Variants in KRT78 observed in about 807,000 individuals in gnomAD.
KRT78 encodes keratin 78, also known as keratin, type II cytoskeletal 78.
Under a neutral mutation model 51.4 loss-of-function variants are expected in KRT78, and 55 were observed. The ratio of observed to expected loss-of-function variants is 1.07; its 90% CI spans 0.86 to 1.34. The LOEUF (loss-of-function observed/expected upper bound fraction) is 1.34, where lower values mean the gene tolerates loss of function less well. KRT78 is among the 40% of genes most tolerant of loss of function. The pLI, the probability that KRT78 is intolerant of heterozygous loss-of-function variation, is 0.00. For synonymous variants in KRT78, 291 were observed against 264.3 expected, an observed-to-expected ratio of 1.10 and a Z score of -0.98; for missense variants, 652 against 649.4, an observed-to-expected ratio of 1.00 and a Z score of -0.04.
At chr12:52,840,034 G>T in intron 6 of KRT78, 50 bp from the exon 7 acceptor site, 1 of 1,311,764 alleles carries the variant, frequency 7.6e-7, no homozygotes, top group Non-Finnish European at 1.1e-6. Context: ...GTCCAACATA[G>T]CCTCTCAAAG....
chr12:52,844,455 T>A lies in KRT78; in HGVS notation c.921+104A>T, dbSNP rs1940592267. 7.6e-7 allele frequency: 1 copy of A among 1,309,050 alleles called. No homozygotes were observed. Among genetic ancestry groups the A allele is most frequent in the Non-Finnish European group, 1.1e-6 (1 of 950,300 alleles). 81.1% of individuals were successfully genotyped at this position (1,309,050 alleles called of 1,614,324 possible). ...ACCCAGCCCCAGACCTTCAGGGAGG[T>A]AACTGGAACTGCCCCAATGGGATCG... On this transcript the variant is annotated intron_variant, in intron 5 of 8. Transcript: ENST00000304620.
At position 52,844,549 on chromosome 12, in the gene KRT78, G is replaced by C; in HGVS notation, c.921+10C>G. On this transcript the variant is annotated intron_variant, in intron 5 of 8. Coordinates refer to ENST00000304620, the MANE Select transcript of KRT78 (RefSeq NM_173352.4). ...TTTCCAGCATGGTGCTGCCCCCCAGGTCCCACCACCTTGGTCTGGTACAAG... is the reference window on the plus strand; with the variant it reads ...TTTCCAGCATGGTGCTGCCCCCCAGCTCCCACCACCTTGGTCTGGTACAAG... 12 of 1,610,552 alleles carry C rather than the reference G, an allele frequency of 7.5e-6. No homozygotes were observed. The highest frequency in any genetic ancestry group is 1.0e-5 in the Non-Finnish European group (12 of 1,178,140).
At chr12:52,848,200 C>A in intron 1 of KRT78, 79 bp from the exon 2 acceptor site, 1 of 1,562,756 alleles carries the variant, frequency 6.4e-7, no homozygotes, top group Non-Finnish European at 8.7e-7. Flanking sequence ...GCCTGAGGGA[C>A]CCTCCCATCA....
rs1565701887 is a variant in KRT78 at position 52,848,076 on chromosome 12, G to A, written c.430C>T (p.His144Tyr). 6.2e-7 allele frequency: 1 copy of A among 1,614,164 alleles called. No homozygotes were observed. The highest frequency in any genetic ancestry group is 1.1e-5 in the South Asian group (1 of 91,084). Residue 144 changes from histidine to tyrosine, a missense_variant, in exon 2 of 9, where the codon CAT (histidine) becomes TAT (tyrosine). Physicochemically the swap from His to Tyr is moderately conservative, Grantham distance 83. Coordinates refer to ENST00000304620, the MANE Select transcript of KRT78 (RefSeq NM_173352.4). ...QQNKVLETKW[H>Y]LLQQQGLSGS... ...CTCAACCCCTGTTGCTGCAGCAGAT[G>A]CCACTTCGTCTCCAGGACCTTGTTC... is the stretch of plus-strand genomic sequence containing the variant.
rs372072742 is a variant in KRT78, at chr12:52,844,472, A to G, written c.921+87T>C. On this transcript the variant is annotated intron_variant, in intron 5 of 8. Coordinates refer to ENST00000304620, the MANE Select transcript of KRT78 (RefSeq NM_173352.4). ...CAGGGAGGTAACTGGAACTGCCCCA[A>G]TGGGATCGAGGTGGATGACCACCCT... 205 of 1,488,264 alleles carry G rather than the reference A, an allele frequency of 1.4e-4. 2 individuals carry two copies. In the South Asian group the frequency reaches 2.3e-3, roughly 16 times the overall value. 92.2% of individuals were successfully genotyped at this position (1,488,264 alleles called of 1,614,324 possible). A position where few individuals can be genotyped will look rare whatever the true frequency, so the allele number is the denominator to read the frequency against.
intron 5 of KRT78, 21 bp downstream of exon 5, chr12:52,844,537 GC>G: frequency 6.2e-7 from 1 of 1,605,936 alleles, no homozygotes; most frequent in East Asian, 2.2e-5. Context: ...CCAGCATGGT[GC>G]TGCCCCCCAG....
At chr12:52,847,468 T>C (rs547596314) in intron 2 of KRT78, among the ~76,000 whole-genome samples, 1 of 152,326 alleles carries the variant, frequency 6.6e-6, no homozygotes, top group East Asian at 1.9e-4. Context: ...CTGTGAATTG[T>C]GTCACAGGCC....
chr12:52,841,629 T>C (rs1332565561), intron 6 of KRT78, among the ~76,000 whole-genome samples: 1 of 152,196 alleles, frequency 6.6e-6, no homozygotes, highest in African/African-American at 2.4e-5. Flanking sequence ...AAGGCTGTTA[T>C]TATCGATTCC....
At chr12:52,846,892 G>C (rs1592146974) in intron 2 of KRT78, 68 bp from the exon 3 acceptor site, 1 of 1,202,034 alleles carries the variant, frequency 8.3e-7, no homozygotes, top group East Asian at 2.4e-5. Context: ...CCATGTCCGA[G>C]CATGACCTCC....
intron 6 of KRT78, among the ~76,000 whole-genome samples, chr12:52,842,339 A>C (rs946707606): frequency 8.5e-5 from 13 of 152,208 alleles, no homozygotes; most frequent in Non-Finnish European, 1.5e-4. Context: ...TGAGTGCAAG[A>C]ATACTTAACA....
In KRT78 at chr12:52,839,981, C is replaced by A. The variant is rs759718087; in HGVS notation, c.1051G>T (p.Ala351Ser). The change falls in exon 7 of 9, where the codon GCC (alanine) becomes TCC (serine). Residue 351 changes from alanine to serine, a missense_variant. Coordinates refer to ENST00000304620, the MANE Select transcript of KRT78 (RefSeq NM_173352.4). The stretch of plus-strand genomic sequence containing the variant: ...TCAGTGATGGCGGCCTGCAGGCTGG[C>A]GTTCTGGAAGCGGGGTAGAAATGAG... ...SQTENLKKQN[A>S]SLQAAITDAE... The A allele has an allele frequency of 1.5e-5, 24 of 1,611,892 alleles. No homozygotes were observed. The highest frequency in any genetic ancestry group is 1.9e-5 in the Non-Finnish European group (22 of 1,178,438).
rs1407718338 is a variant in KRT78, at chr12:52,839,030, C to A, written c.*83G>T. 2 of 1,500,110 alleles carry A rather than the reference C, an allele frequency of 1.3e-6. No individual in the cohort carries two copies. Among genetic ancestry groups the A allele is most frequent in the Non-Finnish European group, 1.8e-6 (2 of 1,112,740 alleles). The allele number at this position is 1,500,110 out of a possible 1,614,324, so 92.9% of individuals were successfully genotyped here. ...GTGGGCTGGCTTGGGCTGTGGGCAGCGGACACGGAGTTGGCCTTGCAGAGC... is the reference window on the plus strand; with the variant it reads ...GTGGGCTGGCTTGGGCTGTGGGCAGAGGACACGGAGTTGGCCTTGCAGAGC... On this transcript the variant is annotated 3_prime_UTR_variant, in exon 9 of 9. Transcript: ENST00000304620.
intron 6 of KRT78, among the ~76,000 whole-genome samples, chr12:52,843,287 A>G (rs934800989): frequency 5.9e-5 from 9 of 151,334 alleles, no homozygotes; most frequent in Non-Finnish European, 1.0e-4. Context: ...GAATCCCTTG[A>G]ACCCGGAGGC....
chr12:52,848,086 C>A lies in KRT78; in HGVS notation c.420G>T (p.Glu140Asp). 1.9e-6 allele frequency: 3 copies of A among 1,614,188 alleles called. No homozygotes were observed. The highest frequency in any genetic ancestry group is 2.5e-6 in the Non-Finnish European group (3 of 1,180,030). ...RFLEQQNKVL[E>D]TKWHLLQQQG... ...GTTGCTGCAGCAGATGCCACTTCGT[C>A]TCCAGGACCTTGTTCTGCTGCTCCA... The change falls in exon 2 of 9, where the codon GAG (glutamate) becomes GAT (aspartate). Residue 140 changes from glutamate to aspartate, a missense_variant. Coordinates refer to ENST00000304620, the MANE Select transcript of KRT78 (RefSeq NM_173352.4).
At position 52,848,794 on chromosome 12, in the gene KRT78, C is replaced by T. The variant is rs1232472775; in HGVS notation, c.137G>A (p.Gly46Glu). ...ACTCCCACGAGAGCCTTCCAGGCAC[C>T]CCCCAAAGGAATTAAGGCTCCTGCT... ...FSSRSLNSFG[G>E]CLEGSRGSTW... The change falls in exon 1 of 9, where the codon GGG becomes GAG. Residue 46 changes from glycine (G) to glutamate (E), a missense_variant. Coordinates refer to ENST00000304620, the MANE Select transcript of KRT78 (RefSeq NM_173352.4). 4 of 1,613,302 alleles carry T rather than the reference C, an allele frequency of 2.5e-6. No homozygotes were observed. The highest frequency in any genetic ancestry group is 3.4e-6 in the Non-Finnish European group (4 of 1,179,762).
In KRT78 at chr12:52,848,981, G is replaced by A. The variant is rs758802160; in HGVS notation, c.-51C>T. On this transcript the variant is annotated 5_prime_UTR_variant, in exon 1 of 9. Transcript: ENST00000304620. ...GCAGACGGACAGACAGATTGTCAAG[G>A]TGTGTGAGTTTCTGCCCTGGGGCCC... 4.7e-6 allele frequency: 7 copies of A among 1,499,410 alleles called. No individual in the cohort carries two copies. The highest frequency in any genetic ancestry group is 6.2e-6 in the Non-Finnish European group (7 of 1,132,314). 92.9% of individuals were successfully genotyped at this position (1,499,410 alleles called of 1,614,324 possible). A position where few individuals can be genotyped will look rare whatever the true frequency, so the allele number is the denominator to read the frequency against.
intron 6 of KRT78, among the ~76,000 whole-genome samples, chr12:52,843,885 G>A (rs1369179735): frequency 6.6e-6 from 1 of 152,038 alleles, no homozygotes; most frequent in Non-Finnish European, 1.5e-5. Flanking sequence ...GCCAACATGT[G>A]GCTAGAAGTC....
intron 5 of KRT78, 40 bp from the exon 6 acceptor site, chr12:52,844,258 C>A: frequency 6.4e-7 from 1 of 1,552,298 alleles, no homozygotes; most frequent in South Asian, 1.2e-5. Context: ...GTTGAGAGGA[C>A]TGCCACCTTT....
chr12:52,843,100 C>A (rs1217115653), intron 6 of KRT78, among the ~76,000 whole-genome samples: 3 of 151,648 alleles, frequency 2.0e-5, no homozygotes, highest in Non-Finnish European at 4.4e-5. Context: ...GGTGCAGTGG[C>A]TCACGACTGT....
Sources: gnomAD v4.1 joint callset for allele counts (sites outside exome capture counted in the v4.1 genomes callset) on GRCh38, gnomAD v4.1.1 for gene constraint, MANE v1.5 for transcripts, NCBI Gene and HGNC (gene_info 2026-07-23, HGNC 2026-07-21) for gene names.